The following SNED1 variants were observed in gnomAD, a reference collection of about 807,000 sequenced individuals.
SNED1 encodes the protein sushi, nidogen and EGF like domains 1.
In SNED1, 81 loss-of-function variants were observed where a neutral mutation model predicts 166.7. The ratio of observed to expected loss-of-function variants is 0.49; its 90% CI spans 0.41 to 0.58. The LOEUF is 0.58. Ranked by LOEUF, SNED1 falls within the 20% of genes least tolerant of loss-of-function variation. SNED1 has a pLI of 0.00. For missense variants in SNED1, 1,604 were observed against 2,000.2 expected (o/e 0.80, Z 3.78); for synonymous variants, 762 against 822.0 (o/e 0.93, Z 1.25).
chr2:241,062,657 C>T, intron 16 of SNED1, 134 bp from the exon 17 acceptor site: 1 of 711,942 alleles, frequency 1.4e-6, no homozygotes, highest in Non-Finnish European at 2.5e-6. Context: ...GATATCCAGC[C>T]CTGGTCTCTG....
chr2:241,045,824 A>C (rs2061630928), intron 8 of SNED1, among the ~76,000 whole-genome samples: 2 of 152,334 alleles, frequency 1.3e-5, no homozygotes, highest in South Asian at 2.1e-4. Flanking sequence ...TCAAAATTTA[A>C]AACTTTTGCT....
rs767190577 is a variant in SNED1, at chr2:241,083,489, T to G, written c.4121+1125T>G. 9.5e-4 allele frequency among the ~76,000 whole-genome samples: 145 copies of G among 152,118 alleles called. 1 individual carries two copies. The highest frequency in any genetic ancestry group is 1.0e-3 in the Non-Finnish European group (71 of 68,010). On this transcript the variant is annotated intron_variant, in intron 29 of 31. Transcript: ENST00000310397. ...AGAATGGGATGTAGACGGGCAAGGG[T>G]AGAAGCTTCATTAGAGCTTGGACAT...
At chr2:241,027,084 C>CTT (rs34995414) in intron 1 of SNED1, among the ~76,000 whole-genome samples, 41 of 147,994 alleles carry the variant, frequency 2.8e-4, no homozygotes, top group Middle Eastern at 3.5e-3. Context: ...GATTTCCCTA[C>CTT]TTTTTTTTTT....
At chr2:241,036,084 G>A (rs1255069557) in intron 4 of SNED1, among the ~76,000 whole-genome samples, 2 of 122,828 alleles carry the variant, frequency 1.6e-5, no homozygotes, top group African/African-American at 2.9e-5. Flanking sequence ...GGGGGTGGAG[G>A]CGCATCACGG....
rs910117325 is a variant in SNED1 at position 241,040,252 on chromosome 2, T to G, written c.1160-48T>G. ...CCGTGGCCAGGTGCTGGGCACAGGG[T>G]GGTTGTGGCCTGGCTCAAGCCAAGC... On this transcript the variant is annotated intron_variant, in intron 7 of 31. Transcript: ENST00000310397. The G allele has an allele frequency of 1.9e-6, 3 of 1,569,388 alleles. No homozygotes were observed. The African/African-American group carries it at 4.1e-5, about 21-fold the overall frequency.
intron 2 of SNED1, among the ~76,000 whole-genome samples, chr2:241,033,181 T>C (rs939495018): frequency 1.3e-5 from 2 of 152,238 alleles, no homozygotes; most frequent in Non-Finnish European, 2.9e-5. Flanking sequence ...GACCCTGATC[T>C]GATTCTTTTT....
chr2:241,087,402 G>A lies in SNED1; in HGVS notation c.4132G>A (p.Val1378Ile), dbSNP rs1195684744. The A allele has an allele frequency of 3.1e-6, 5 of 1,599,396 alleles. No homozygotes were observed. Among genetic ancestry groups the A allele is most frequent in the Non-Finnish European group, 4.3e-6 (5 of 1,172,988 alleles). The change falls in exon 30 of 32, where the codon GTC becomes ATC. Residue 1378 changes from valine (V) to isoleucine (I), a missense_variant. Physicochemically the swap from Val to Ile is conservative, Grantham distance 29 (BLOSUM62 3). Around this residue, in one of 2 missense-constraint regions of SNED1, gnomAD observed 367 missense variants for 379.4 expected, o/e 0.97. Coordinates refer to ENST00000310397, the MANE Select transcript of SNED1 (RefSeq NM_001080437.3). ...GGVCHHVYKR[V>I]YRVHQDICFK... ...TTCTTGTGACAACAGGTATAAAAGA[G>A]TCTACCGAGTTCACCAAGACATCTG...
At chr2:241,035,853 G>T in intron 4 of SNED1, among the ~76,000 whole-genome samples, 1 of 131,466 alleles carries the variant, frequency 7.6e-6, no homozygotes, top group East Asian at 2.4e-4. Context: ...CACAGGGTTG[G>T]GAGTGAGGGG....
chr2:241,063,900 C>T, intron 18 of SNED1, 112 bp from the exon 19 acceptor site: 1 of 867,834 alleles, frequency 1.2e-6, no homozygotes. Context: ...CACTGCCCCT[C>T]TCTCCTGGCC....
intron 4 of SNED1, among the ~76,000 whole-genome samples, chr2:241,036,065 T>TG (rs1307727127): frequency 1.1e-3 from 8 of 7,384 alleles, no homozygotes; most frequent in Admixed American, 3.4e-3. Flanking sequence ...CGTCACAGGG[T>TG]GGGGGGTGGG....
chr2:241,089,500 G>A, intron 31 of SNED1: 2 of 1,439,258 alleles, frequency 1.4e-6, no homozygotes, highest in Non-Finnish European at 1.9e-6. Context: ...CTGGGCCGGA[G>A]CTCCGCACAT....
Position 241,093,835 on chromosome 2 carries a change from C to G in SNED1, c.*2199C>G, listed in dbSNP as rs1413639680. On this transcript the variant is annotated 3_prime_UTR_variant, in exon 32 of 32. Coordinates refer to ENST00000310397, the MANE Select transcript of SNED1 (RefSeq NM_001080437.3). The stretch of plus-strand genomic sequence containing the variant: ...CTCAAATGGCTTCCTTGAAAATACT[C>G]AAAGTCCACCCAAGGAAATTAGTAA... The G allele has an allele frequency of 6.6e-6, 1 of 152,432 alleles. No homozygotes were observed. The highest frequency in any genetic ancestry group is 2.4e-5 in the African/African-American group (1 of 41,456). The allele number at this position is 152,432 out of a possible 1,614,324, so 9.4% of individuals were successfully genotyped here. A position where few individuals can be genotyped will look rare whatever the true frequency, so the allele number is the denominator to read the frequency against.
At chr2:241,072,965 C>T in intron 26 of SNED1, 2 of 430,248 alleles carry the variant, frequency 4.6e-6, no homozygotes, top group Non-Finnish European at 8.3e-6. Context: ...AAGAAAGCAA[C>T]CGCATCAGCC....
In SNED1 at chr2:241,083,665, A is replaced by T. The variant is rs376904679; in HGVS notation, c.4121+1301A>T. Among the ~76,000 whole-genome samples, 258 of 152,244 alleles carry T rather than the reference A, an allele frequency of 1.7e-3. 1 individual carries two copies. Among genetic ancestry groups the T allele is most frequent in the African/African-American group, 5.8e-3 (240 of 41,534 alleles). On this transcript the variant is annotated intron_variant, in intron 29 of 31. Coordinates refer to ENST00000310397, the MANE Select transcript of SNED1 (RefSeq NM_001080437.3). ...TGCCATCTTCCCGCTGTGCTTAGTT[A>T]CACCAGTGCCTGCTGGTGACCACCA...
intron 21 of SNED1, 61 bp downstream of exon 21, chr2:241,065,656 C>T (rs1019667586): frequency 1.1e-5 from 16 of 1,435,902 alleles, no homozygotes; most frequent in Non-Finnish European, 1.4e-5. Flanking sequence ...GCAGCGCTGG[C>T]CCCGGCACCT....
intron 9 of SNED1, 86 bp from the exon 10 acceptor site, chr2:241,048,576 T>C: frequency 6.7e-7 from 1 of 1,500,254 alleles, no homozygotes; most frequent in Middle Eastern, 1.9e-4. Flanking sequence ...GTATGGGAAG[T>C]TGGCCAGGAG....
chr2:241,003,831 GGC>G (rs1241918078), intron 1 of SNED1, among the ~76,000 whole-genome samples: 9 of 152,232 alleles, frequency 5.9e-5, no homozygotes, highest in Admixed American at 5.9e-4. Context: ...GTGTGTGATG[GGC>G]CACGAGAAGC....
At chr2:241,089,737 T>C (rs975237129) in intron 31 of SNED1, among the ~76,000 whole-genome samples, 1 of 152,254 alleles carries the variant, frequency 6.6e-6, no homozygotes, top group Non-Finnish European at 1.5e-5. Context: ...GGAGATGCAT[T>C]CTGAGAAATG....
In SNED1 at chr2:241,092,824, T is replaced by G. The variant is rs1336097081; in HGVS notation, c.*1188T>G. ...CACCACATCTGCTTCCCACCATGCT[T>G]CTAAGCAGCTGTCTTCCCCCTGCTA... On this transcript the variant is annotated 3_prime_UTR_variant, in exon 32 of 32. Transcript: ENST00000310397. The surrounding 1 kb of genome is among the most constrained non-coding windows in gnomAD (Gnocchi z 4.6). 6.6e-6 allele frequency: 1 copy of G among 152,192 alleles called. No individual in the cohort carries two copies. The highest frequency in any genetic ancestry group is 1.9e-4 in the East Asian group (1 of 5,196). The allele number at this position is 152,192 out of a possible 1,614,324, so 9.4% of individuals were successfully genotyped here.
Sources: allele counts gnomAD v4.1 joint callset (sites outside exome capture counted in the v4.1 genomes callset), GRCh38; gene constraint gnomAD v4.1.1; regional missense constraint gnomAD v4.1.1; non-coding constraint Gnocchi (gnomAD v3.1); transcripts MANE v1.5; gene names NCBI Gene and HGNC (gene_info 2026-07-23, HGNC 2026-07-21).